Variants in RSPO2 observed in about 807,000 individuals in gnomAD.
RSPO2 encodes R-spondin 2, also known as R-spondin-2.
In RSPO2, 14 loss-of-function variants were observed where a neutral mutation model predicts 30.9. That is an observed-to-expected ratio of 0.45 (90% CI 0.30 to 0.71). The LOEUF is 0.71. Among genes scored for constraint, RSPO2 ranks in the 30% least tolerant of loss-of-function variants. The pLI is 0.08. For synonymous variants in RSPO2, 107 were observed against 96.4 expected (o/e 1.11, Z -0.64); for missense variants, 264 against 301.9 (o/e 0.87, Z 0.93).
At chr8:108,075,014 T>C (rs973961863) in intron 2 of RSPO2, among the ~76,000 whole-genome samples, 1 of 152,196 alleles carries the variant, frequency 6.6e-6, no homozygotes, top group Non-Finnish European at 1.5e-5. Flanking sequence ...AAATCATAAA[T>C]ATAATAACTA....
intron 2 of RSPO2, among the ~76,000 whole-genome samples, chr8:107,991,966 G>C (rs1352751403): frequency 6.6e-6 from 1 of 152,142 alleles, no homozygotes; most frequent in Non-Finnish European, 1.5e-5. Context: ...CATTATGGAA[G>C]ACAGTGTGGC....
At chr8:108,077,475 C>T (rs1813049827) in intron 2 of RSPO2, among the ~76,000 whole-genome samples, 1 of 152,106 alleles carries the variant, frequency 6.6e-6, no homozygotes, top group Non-Finnish European at 1.5e-5. Context: ...ATCTTATTCT[C>T]ATTCTCTCCC....
intron 2 of RSPO2, among the ~76,000 whole-genome samples, chr8:108,024,425 T>C (rs923145462): frequency 6.6e-6 from 1 of 151,324 alleles, no homozygotes; most frequent in African/African-American, 2.5e-5. Context: ...TTCCAACATA[T>C]ACTGTTAAGT....
At chr8:108,018,891 C>CT (rs1810974186) in intron 2 of RSPO2, among the ~76,000 whole-genome samples, 1 of 152,140 alleles carries the variant, frequency 6.6e-6, no homozygotes, top group Admixed American at 6.5e-5. Flanking sequence ...TCATGCCAGC[C>CT]TAAGAACTGC....
chr8:108,069,200 A>AACACACACACACAC (rs56977468), intron 2 of RSPO2, among the ~76,000 whole-genome samples: 2 of 148,272 alleles, frequency 1.3e-5, no homozygotes, highest in Non-Finnish European at 1.5e-5. Flanking sequence ...TGTATGTGTG[A>AACACACACACACAC]ACACACACAC....
intron 5 of RSPO2, among the ~76,000 whole-genome samples, chr8:107,938,407 T>A (rs1812785738): frequency 6.6e-6 from 1 of 152,162 alleles, no homozygotes; most frequent in South Asian, 2.1e-4. Context: ...AAAGCTTTTC[T>A]TGTCAAAATA....
intron 2 of RSPO2, among the ~76,000 whole-genome samples, chr8:108,053,152 T>A (rs1448384090): frequency 1.3e-5 from 2 of 152,160 alleles, no homozygotes; most frequent in Admixed American, 1.3e-4. Context: ...GGTTACCTGC[T>A]GCCACTCCAC....
intron 2 of RSPO2, among the ~76,000 whole-genome samples, chr8:108,020,584 T>C (rs1438502976): frequency 6.6e-6 from 1 of 152,218 alleles, no homozygotes; most frequent in Non-Finnish European, 1.5e-5. Context: ...TCTTATTTTT[T>C]TAGTTTTTCC....
At chr8:107,970,094 A>C (rs1395963460) in intron 3 of RSPO2, among the ~76,000 whole-genome samples, 1 of 152,198 alleles carries the variant, frequency 6.6e-6, no homozygotes, top group African/African-American at 2.4e-5. Context: ...AACTTTTCCT[A>C]TAATGAGCCA....
chr8:107,951,332 G>A (rs1813239565), intron 5 of RSPO2, among the ~76,000 whole-genome samples: 1 of 152,076 alleles, frequency 6.6e-6, no homozygotes, highest in South Asian at 2.1e-4. Flanking sequence ...GATTACAGGT[G>A]TGAGCCACCA....
At chr8:107,920,145 G>A (rs986317746) in intron 5 of RSPO2, among the ~76,000 whole-genome samples, 11 of 152,168 alleles carry the variant, frequency 7.2e-5, no homozygotes, top group Admixed American at 2.6e-4. Context: ...AGGGAAGAAT[G>A]ATGCCTGCCA....
chr8:107,927,373 T>C (rs901262798), intron 5 of RSPO2, among the ~76,000 whole-genome samples: 13 of 152,284 alleles, frequency 8.5e-5, no homozygotes, highest in South Asian at 4.1e-4. Flanking sequence ...CTTTTCCTAA[T>C]TGAATACCCT....
intron 2 of RSPO2, among the ~76,000 whole-genome samples, chr8:108,072,492 A>ATTTTTTT (rs71308776): frequency 2.4e-5 from 3 of 122,660 alleles, no homozygotes; most frequent in Non-Finnish European, 3.3e-5. Flanking sequence ...AGCCCGGCTA[A>ATTTTTTT]TTTTTTTTTT....
chr8:107,971,698 C>T lies in RSPO2; in HGVS notation c.284-10881G>A, dbSNP rs149173153. On this transcript the variant is annotated intron_variant, in intron 3 of 5. Coordinates refer to ENST00000276659, the MANE Select transcript of RSPO2 (RefSeq NM_178565.5). ...AATTAAGATTGCTTTATTGCAGCTA[C>T]AAGAGAACACTGTGATCTTTCAAAA... Among the ~76,000 whole-genome samples the T allele has an allele frequency of 3.9e-5, 6 of 152,302 alleles. No individual in the cohort carries two copies. In the East Asian group the frequency reaches 1.2e-3, roughly 29 times the overall value.
At position 107,900,796 on chromosome 8, in the gene RSPO2, AC is replaced by A; in HGVS notation, c.*278del. The A allele has an allele frequency of 3.2e-6, 1 of 310,570 alleles. No individual in the cohort carries two copies. 19.2% of individuals were successfully genotyped at this position (310,570 alleles called of 1,614,324 possible). A position where few individuals can be genotyped will look rare whatever the true frequency, so the allele number is the denominator to read the frequency against. On this transcript the variant is annotated 3_prime_UTR_variant, in exon 6 of 6. Coordinates refer to ENST00000276659, the MANE Select transcript of RSPO2 (RefSeq NM_178565.5). Reference sequence around the variant, plus strand: ...CTCCAGCGGTGTTCTGCAGCCTCACACCTCTAGCATGTCCATGGTGCCGGGG... The same window carrying A: ...CTCCAGCGGTGTTCTGCAGCCTCACACTCTAGCATGTCCATGGTGCCGGGG...
intron 5 of RSPO2, among the ~76,000 whole-genome samples, chr8:107,921,240 T>C (rs1262435461): frequency 6.6e-6 from 1 of 151,442 alleles, no homozygotes; most frequent in East Asian, 1.9e-4. Context: ...TTGAAAAATT[T>C]CTAAGACTAT....
At chr8:108,079,730 T>C (rs1429960634) in intron 2 of RSPO2, among the ~76,000 whole-genome samples, 2 of 148,926 alleles carry the variant, frequency 1.3e-5, no homozygotes, top group Non-Finnish European at 3.0e-5. Flanking sequence ...GTCCCAGGGG[T>C]AAGCCTAACC....
chr8:107,903,929 C>A (rs1811555589), intron 5 of RSPO2, among the ~76,000 whole-genome samples: 1 of 151,882 alleles, frequency 6.6e-6, no homozygotes, highest in African/African-American at 2.4e-5. Flanking sequence ...GACTTCAAGC[C>A]CAGCTCAAAG....
intron 2 of RSPO2, among the ~76,000 whole-genome samples, chr8:108,060,642 T>C (rs1169371114): frequency 6.6e-6 from 1 of 151,772 alleles, no homozygotes; most frequent in Admixed American, 6.6e-5. Context: ...TTCCCCAATC[T>C]AGCAAGGCAG....
Sources: allele counts gnomAD v4.1 joint callset (sites outside exome capture counted in the v4.1 genomes callset), GRCh38; gene constraint gnomAD v4.1.1; transcripts MANE v1.5; gene names NCBI Gene and HGNC (gene_info 2026-07-23, HGNC 2026-07-21).